CHD8: variants seen among roughly 807,000 people sequenced by gnomAD.
The protein encoded by CHD8 is ATP-dependent chromatin remodeler CHD8.
Under a neutral mutation model 279.2 loss-of-function variants are expected in CHD8, and 31 were observed. The ratio of observed to expected loss-of-function variants is 0.11; its 90% CI spans 0.08 to 0.15. The LOEUF is 0.15. Ranked by LOEUF, CHD8 falls within the 10% of genes least tolerant of loss-of-function variation. The pLI is 1.00. For missense variants in CHD8, 2,146 were observed against 3,230.5 expected, an observed-to-expected ratio of 0.66 and a Z score of 8.14; for synonymous variants, 1,081 against 1,139.6, an observed-to-expected ratio of 0.95 and a Z score of 1.04.
At chr14:21,449,586 T>C (rs1451013528) in intron 1 of CHD8, among the ~76,000 whole-genome samples, 3 of 152,234 alleles carry the variant, frequency 2.0e-5, no homozygotes, top group Non-Finnish European at 4.4e-5. Context: ...ACTACCGTGC[T>C]GAGAAAGCAG....
In CHD8 at chr14:21,437,274, C is replaced by A. The variant is rs567858734; in HGVS notation, c.-215-5416G>T. The A allele has an allele frequency of 5.8e-4, 662 of 1,150,566 alleles. 1 individual carries two copies. Among genetic ancestry groups the A allele is most frequent in the Admixed American group, 1.4e-3 (36 of 24,830 alleles). 71.3% of individuals were successfully genotyped at this position (1,150,566 alleles called of 1,614,324 possible). A position where few individuals can be genotyped will look rare whatever the true frequency, so the allele number is the denominator to read the frequency against. On this transcript the variant is annotated intron_variant, in intron 1 of 37. Coordinates refer to ENST00000646647, the MANE Select transcript of CHD8 (RefSeq NM_001170629.2). Reference sequence around the variant, plus strand: ...TCCCCCTCCTCCTGCGCAACCTAACCTGATGCTCCTGCCCGCCCCGCGCCA... The same window carrying A: ...TCCCCCTCCTCCTGCGCAACCTAACATGATGCTCCTGCCCGCCCCGCGCCA...
chr14:21,437,848 G>C (rs939178663), intron 1 of CHD8, among the ~76,000 whole-genome samples: 1 of 151,930 alleles, frequency 6.6e-6, no homozygotes, highest in Non-Finnish European at 1.5e-5. Context: ...TAATTCCTGG[G>C]GCCCTCTAAC....
At position 21,415,766 on chromosome 14, in the gene CHD8, C is replaced by G; in HGVS notation, c.1858G>C (p.Glu620Gln). ...GAAGGCAAAGTCTCGCCATCTGGTT[C>G]TTGCACTGGTTCAGGGAGGATAGGC... is the stretch of plus-strand genomic sequence containing the variant. ...PEPILPEPVQEPDGETLPSMQ... is the reference protein window; with the variant it reads ...PEPILPEPVQQPDGETLPSMQ... Residue 620 changes from glutamate (E) to glutamine (Q), a missense_variant, in exon 6 of 38, where the codon GAA becomes CAA. Glu to Gln is a conservative substitution (Grantham distance 29). Transcript: ENST00000646647. The G allele has an allele frequency of 6.2e-7, 1 of 1,613,886 alleles. No homozygotes were observed. The highest frequency in any genetic ancestry group is 8.5e-7 in the Non-Finnish European group (1 of 1,179,830).
intron 1 of CHD8, among the ~76,000 whole-genome samples, chr14:21,442,806 GAGGGGAGGAGAGGGGAGGA>G (rs1890016491): frequency 2.7e-5 from 2 of 74,940 alleles, no homozygotes; most frequent in African/African-American, 5.6e-5. Flanking sequence ...GAGGGGAGGA[GAGGGGAGGAGAGGGGAGGA>G]GAGGGGAGGG....
At chr14:21,399,734 C>G (rs1011588742) in intron 25 of CHD8, 29 bp from the exon 26 acceptor site, 2 of 1,428,446 alleles carry the variant, frequency 1.4e-6, no homozygotes, top group Non-Finnish European at 2.0e-6. Flanking sequence ...AGAGTCAGCA[C>G]AGAAATGCAG....
At position 21,423,540 on chromosome 14, in the gene CHD8, G is replaced by A. The variant is rs143423171; in HGVS notation, c.1716+2588C>T. 6.7e-4 allele frequency among the ~76,000 whole-genome samples: 102 copies of A among 151,984 alleles called. 2 individuals carry two copies. The East Asian group carries it at 0.013, about 19-fold the overall frequency. ...CATGAACTTTTTTTTTTGGCGGGGG[G>A]AGTCAGGGGGTGCAGTAACAGTCTC... On this transcript the variant is annotated intron_variant, in intron 5 of 37. Transcript: ENST00000646647.
chr14:21,410,036 TG>T, intron 10 of CHD8, 48 bp from the exon 11 acceptor site: 1 of 1,536,310 alleles, frequency 6.5e-7, no homozygotes. Flanking sequence ...CTGTGTTCTC[TG>T]CTCCAGTTAA....
At chr14:21,432,943 G>A (rs1889625271) in intron 1 of CHD8, among the ~76,000 whole-genome samples, 1 of 152,130 alleles carries the variant, frequency 6.6e-6, no homozygotes, top group Non-Finnish European at 1.5e-5. Context: ...CACTTCTCAA[G>A]ATGCCTGGAA....
chr14:21,408,649 A>C lies in CHD8; in HGVS notation c.2486+55T>G. On this transcript the variant is annotated intron_variant, in intron 12 of 37. Coordinates refer to ENST00000646647, the MANE Select transcript of CHD8 (RefSeq NM_001170629.2). The surrounding 1 kb of genome is among the most constrained non-coding windows in gnomAD (Gnocchi z 4.3). ...GAAGAAATTGTTTCAATAGAAAACAAATAAAAATAATCCCAGAACTAAGCT... is the reference window on the plus strand; with the variant it reads ...GAAGAAATTGTTTCAATAGAAAACACATAAAAATAATCCCAGAACTAAGCT... The C allele has an allele frequency of 1.3e-6, 2 of 1,574,550 alleles. No homozygotes were observed. Among genetic ancestry groups the C allele is most frequent in the Non-Finnish European group, 1.7e-6 (2 of 1,161,492 alleles).
chr14:21,419,883 A>C (rs1427222872), intron 5 of CHD8: 3 of 333,642 alleles, frequency 9.0e-6, no homozygotes, highest in African/African-American at 6.8e-5. Context: ...AAAAGAAGCC[A>C]GCCAGGGCCA....
intron 5 of CHD8, among the ~76,000 whole-genome samples, chr14:21,422,481 T>A (rs1889088203): frequency 6.9e-6 from 1 of 145,600 alleles, no homozygotes; most frequent in Admixed American, 6.7e-5. Flanking sequence ...ATTTCCTTCA[T>A]TTTTTTTGTT....
chr14:21,401,566 A>C lies in CHD8; in HGVS notation c.4063-53T>G. The C allele has an allele frequency of 2.8e-6, 3 of 1,083,144 alleles. No homozygotes were observed. The South Asian group carries it at 4.6e-5, about 16-fold the overall frequency. The allele number at this position is 1,083,144 out of a possible 1,614,324, so 67.1% of individuals were successfully genotyped here. On this transcript the variant is annotated intron_variant, in intron 20 of 37. Coordinates refer to ENST00000646647, the MANE Select transcript of CHD8 (RefSeq NM_001170629.2). Reference sequence around the variant, plus strand: ...GCTGACTTTTTTTTTTAAGTGGTGCAAAATCAGCAATTATGTTTTAAAAAC... The same window carrying C: ...GCTGACTTTTTTTTTTAAGTGGTGCCAAATCAGCAATTATGTTTTAAAAAC...
intron 26 of CHD8, 52 bp downstream of exon 26, chr14:21,399,550 C>T (rs771065808): frequency 1.2e-4 from 151 of 1,289,650 alleles, no homozygotes; most frequent in Non-Finnish European, 1.6e-4. Context: ...ATGTTCCATC[C>T]GTGAACATAA....
intron 1 of CHD8, among the ~76,000 whole-genome samples, chr14:21,439,899 C>G (rs1465615694): frequency 6.6e-6 from 1 of 152,114 alleles, no homozygotes; most frequent in Non-Finnish European, 1.5e-5. Context: ...TTTGCATTAC[C>G]AAAATCTTAC....
In CHD8 at chr14:21,403,488, G is replaced by A. The variant is rs749302057; in HGVS notation, c.3483C>T (p.Cys1161=). 11 of 1,613,352 alleles carry A rather than the reference G, an allele frequency of 6.8e-6. No homozygotes were observed. Among genetic ancestry groups the A allele is most frequent in the Non-Finnish European group, 7.6e-6 (9 of 1,179,554 alleles). ...TTAAATAATCCTCTAGGATGTCTAG[G>A]CAGCGCACCATCTGAGAGAAGATCA... The part of the protein sequence containing the change: ...KVLIFSQMVR[C]LDILEDYLIQ... The change falls in exon 17 of 38, where the codon TGC becomes TGT. Residue 1161 remains cysteine, a synonymous_variant. Coordinates refer to ENST00000646647, the MANE Select transcript of CHD8 (RefSeq NM_001170629.2). The surrounding 1 kb of genome is among the most constrained non-coding windows in gnomAD (Gnocchi z 4.3).
intron 26 of CHD8, 47 bp downstream of exon 26, chr14:21,399,555 A>G: frequency 7.5e-7 from 1 of 1,336,254 alleles, no homozygotes; most frequent in Non-Finnish European, 1.1e-6. Context: ...CCATCCGTGA[A>G]CATAAATCTT....
At chr14:21,398,925 A>G in intron 26 of CHD8, 1 of 351,560 alleles carries the variant, frequency 2.8e-6, no homozygotes, top group Non-Finnish European at 5.7e-6. Context: ...TGACATAGAG[A>G]TGCAGATCTC....
Position 21,415,754 on chromosome 14 carries a change from C to T in CHD8, c.1870G>A (p.Glu624Lys), listed in dbSNP as rs565096948. 3 of 1,613,816 alleles carry T rather than the reference C, an allele frequency of 1.9e-6. No individual in the cohort carries two copies. The highest frequency in any genetic ancestry group is 1.7e-5 in the Admixed American group (1 of 59,986). The change falls in exon 6 of 38, where the codon GAG (glutamate) becomes AAG (lysine). Residue 624 changes from glutamate to lysine, a missense_variant. By Grantham distance (56) the Glu-to-Lys change is moderately conservative. Transcript: ENST00000646647. Reference protein sequence around the residue: ...LPEPVQEPDGETLPSMQFFVE... With the variant: ...LPEPVQEPDGKTLPSMQFFVE... ...AAGAACTGCATGGAAGGCAAAGTCT[C>T]GCCATCTGGTTCTTGCACTGGTTCA... is the stretch of plus-strand genomic sequence containing the variant.
At chr14:21,450,233 C>T (rs529201830) in intron 1 of CHD8, among the ~76,000 whole-genome samples, 19 of 152,318 alleles carry the variant, frequency 1.2e-4, no homozygotes, top group Admixed American at 3.3e-4. Context: ...ATGTTCCATA[C>T]ACGAAATTCT....
Sources: allele counts gnomAD v4.1 joint callset (sites outside exome capture counted in the v4.1 genomes callset), GRCh38; gene constraint gnomAD v4.1.1; non-coding constraint Gnocchi (gnomAD v3.1); transcripts MANE v1.5; gene names NCBI Gene and HGNC (gene_info 2026-07-23, HGNC 2026-07-21).